Variants in STYXL2 observed in about 807,000 individuals in gnomAD.
STYXL2 encodes the protein serine/threonine/tyrosine-interacting-like protein 2.
A neutral mutation model predicts 52.4 loss-of-function variants in STYXL2; 44 were observed. The observed-to-expected ratio is 0.84, with a 90% CI of 0.66 to 1.08. The LOEUF is 1.08. STYXL2 is among the 50% of genes least tolerant of loss of function. The pLI, the probability that STYXL2 is intolerant of heterozygous loss-of-function variation, is 0.00. For missense variants in STYXL2, 1,604 were observed against 1,471.7 expected (o/e 1.09, Z -1.47); for synonymous variants, 604 against 586.9 (o/e 1.03, Z -0.42).
At position 167,128,170 on chromosome 1, in the gene STYXL2, G is replaced by T. The variant is rs1257177207; in HGVS notation, c.3039G>T (p.Arg1013Ser). Residue 1013 changes from arginine to serine, a missense_variant, in exon 6 of 6, where the codon AGG becomes AGT. By Grantham distance (110) the Arg-to-Ser change is moderately radical. Coordinates refer to ENST00000361200, the MANE Select transcript of STYXL2 (RefSeq NM_001080426.3). Reference protein sequence around the residue: ...STSRFSSSSTREGREMHKFSR... With the variant: ...STSRFSSSSTSEGREMHKFSR... ...CACGGTTCTCATCTTCCTCCACCAGGGAGGGCAGAGAGATGCACAAGTTCT... is the reference window on the plus strand; with the variant it reads ...CACGGTTCTCATCTTCCTCCACCAGTGAGGGCAGAGAGATGCACAAGTTCT... 1 of 1,614,216 alleles carries T rather than the reference G, an allele frequency of 6.2e-7. No homozygotes were observed. Among genetic ancestry groups the T allele is most frequent in the South Asian group, 1.1e-5 (1 of 91,082 alleles).
intron 5 of STYXL2, among the ~76,000 whole-genome samples, chr1:167,123,215 C>T (rs1287960930): frequency 6.6e-6 from 1 of 152,210 alleles, no homozygotes; most frequent in Non-Finnish European, 1.5e-5. Flanking sequence ...AATCCTGTTG[C>T]TGCTTTGGAT....
Position 167,127,169 on chromosome 1 carries a change from A to G in STYXL2, c.2038A>G (p.Ser680Gly). The stretch of plus-strand genomic sequence containing the variant: ...TGATGGGGACACGACGTCAGTACTG[A>G]GCACCCAGAGCCACCGCTCCCACCT... ...SADGDTTSVL[S>G]TQSHRSHLSQ... is the part of the protein sequence containing the mutation. The change falls in exon 6 of 6, where the codon AGC becomes GGC. Residue 680 changes from serine (S) to glycine (G), a missense_variant. Ser to Gly is a moderately conservative substitution (Grantham distance 56, BLOSUM62 0). Coordinates refer to ENST00000361200, the MANE Select transcript of STYXL2 (RefSeq NM_001080426.3). 6.2e-7 allele frequency: 1 copy of G among 1,614,052 alleles called. No homozygotes were observed. Among genetic ancestry groups the G allele is most frequent in the Non-Finnish European group, 8.5e-7 (1 of 1,179,968 alleles).
intron 5 of STYXL2, among the ~76,000 whole-genome samples, chr1:167,120,115 C>G (rs760181453): frequency 6.6e-6 from 1 of 152,202 alleles, no homozygotes; most frequent in Non-Finnish European, 1.5e-5. Flanking sequence ...GGAAAACTCC[C>G]TCCCTCCACC....
In STYXL2 at chr1:167,126,999, G is replaced by A; in HGVS notation, c.1868G>A (p.Arg623Lys). ...KGEDSALAKK[R>K]QRRLELLERS... ...GAGGACTCGGCCTTGGCTAAGAAGA[G>A]ACAACGGAGGCTGGAGCTGCTGGAG... Residue 623 changes from arginine to lysine, a missense_variant, in exon 6 of 6, where the codon AGA (arginine) becomes AAA (lysine). Physicochemically the swap from Arg to Lys is conservative, Grantham distance 26. Transcript: ENST00000361200. The A allele has an allele frequency of 6.2e-7, 1 of 1,607,678 alleles. No individual in the cohort carries two copies. The highest frequency in any genetic ancestry group is 8.5e-7 in the Non-Finnish European group (1 of 1,176,378).
At chr1:167,106,847 A>G (rs1667514315) in intron 2 of STYXL2, among the ~76,000 whole-genome samples, 1 of 152,206 alleles carries the variant, frequency 6.6e-6, no homozygotes, top group Non-Finnish European at 1.5e-5. Context: ...GTGTATCACT[A>G]CTGAGGAGAA....
In STYXL2 at chr1:167,125,825, T is replaced by C; in HGVS notation, c.694T>C (p.Ser232Pro). The part of the protein sequence containing the change: ...LVSSEMGISR[S>P]AVLVVAYLMI... ...CAGCAGCGAAATGGGCATCAGCCGG[T>C]CAGCAGTGCTGGTGGTCGCCTACCT... is the stretch of plus-strand genomic sequence containing the variant. Residue 232 changes from serine to proline, a missense_variant, in exon 6 of 6, where the codon TCA (serine) becomes CCA (proline). Ser to Pro is a moderately conservative substitution (Grantham distance 74, BLOSUM62 -1). Transcript: ENST00000361200. The C allele has an allele frequency of 6.2e-7, 1 of 1,610,998 alleles. No individual in the cohort carries two copies. The highest frequency in any genetic ancestry group is 8.5e-7 in the Non-Finnish European group (1 of 1,178,820).
chr1:167,121,586 G>A (rs1308143839), intron 5 of STYXL2, among the ~76,000 whole-genome samples: 14 of 152,264 alleles, frequency 9.2e-5, no homozygotes, highest in Admixed American at 8.5e-4. Context: ...GAGGGTGGAG[G>A]GAGGAAGAAC....
intron 2 of STYXL2, among the ~76,000 whole-genome samples, chr1:167,107,607 A>G (rs1667531189): frequency 6.6e-6 from 1 of 152,252 alleles, no homozygotes; most frequent in Non-Finnish European, 1.5e-5. Flanking sequence ...TGTAACTGCC[A>G]CATTCCCTTA....
chr1:167,128,665 G>A lies in STYXL2; in HGVS notation c.*57G>A, dbSNP rs866835320. The A allele has an allele frequency of 6.5e-7, 1 of 1,529,734 alleles. No individual in the cohort carries two copies. The highest frequency in any genetic ancestry group is 8.7e-7 in the Non-Finnish European group (1 of 1,148,278). 94.8% of individuals were successfully genotyped at this position (1,529,734 alleles called of 1,614,324 possible). A position where few individuals can be genotyped will look rare whatever the true frequency, so the allele number is the denominator to read the frequency against. ...CCACTCACGTTAGCATAGGGCTCAG[G>A]GCACACGTTGCCACCACTCATCGCA... is the stretch of plus-strand genomic sequence containing the variant. On this transcript the variant is annotated 3_prime_UTR_variant, in exon 6 of 6. Transcript: ENST00000361200.
At chr1:167,122,662 A>T (rs10918634) in intron 5 of STYXL2, among the ~76,000 whole-genome samples, 49,302 of 150,588 alleles carry the variant, frequency 0.33, 9,258 homozygotes, top group East Asian at 0.72. Flanking sequence ...TAAAAAAAAA[A>T]TTTTTTTTTG....
chr1:167,126,255 C>T lies in STYXL2; in HGVS notation c.1124C>T (p.Ala375Val), dbSNP rs113517663. 2 of 1,540,440 alleles carry T rather than the reference C, an allele frequency of 1.3e-6. No homozygotes were observed. Among genetic ancestry groups the T allele is most frequent in the Admixed American group, 2.1e-5 (1 of 46,688 alleles). ...CAGGATGGAGGTGGCTGGCGCTCAG[C>T]CTCCTCTGGCCAGGGTGGGGAGGAG... ...VPQDGGGWRS[A>V]SSGQGGEELE... The change falls in exon 6 of 6, where the codon GCC becomes GTC. Residue 375 changes from alanine (A) to valine (V), a missense_variant. Coordinates refer to ENST00000361200, the MANE Select transcript of STYXL2 (RefSeq NM_001080426.3).
rs372564326 is a variant in STYXL2 at position 167,094,912 on chromosome 1, C to T, written c.63C>T (p.Asn21=). ...QVVPSEEDEA[N]VRAVQAHYLR... is the part of the protein sequence containing the mutation. ...TCCCAAGCGAGGAGGACGAAGCCAA[C>T]GTGAGGGCGGTGCAGGCCCACTACC... Residue 21 remains asparagine, a synonymous_variant, in exon 2 of 6, where the codon AAC becomes AAT. Coordinates refer to ENST00000361200, the MANE Select transcript of STYXL2 (RefSeq NM_001080426.3). The T allele has an allele frequency of 5.0e-6, 8 of 1,612,498 alleles. No individual in the cohort carries two copies. Among genetic ancestry groups the T allele is most frequent in the African/African-American group, 1.3e-5 (1 of 74,848 alleles).
At chr1:167,105,678 C>G (rs1667493736) in intron 2 of STYXL2, among the ~76,000 whole-genome samples, 1 of 152,216 alleles carries the variant, frequency 6.6e-6, no homozygotes, top group African/African-American at 2.4e-5. Flanking sequence ...GGTCTTGCCC[C>G]CACACCTTTC....
chr1:167,107,738 A>G (rs1430854588), intron 2 of STYXL2, among the ~76,000 whole-genome samples: 1 of 152,212 alleles, frequency 6.6e-6, no homozygotes, highest in Non-Finnish European at 1.5e-5. Context: ...ATACCCAGTC[A>G]TGGTCCTTGC....
chr1:167,127,773 G>A lies in STYXL2; in HGVS notation c.2642G>A (p.Gly881Asp), dbSNP rs1668007785. The change falls in exon 6 of 6, where the codon GGT (glycine) becomes GAT (aspartate). Residue 881 changes from glycine to aspartate, a missense_variant. Transcript: ENST00000361200. ...KKKVKEDEDD[G>D]VGDGDEDTDS... The stretch of plus-strand genomic sequence containing the variant: ...AAGGTCAAGGAAGATGAGGATGATG[G>A]TGTGGGTGATGGGGATGAGGACACT... The A allele has an allele frequency of 2.5e-6, 4 of 1,613,888 alleles. No individual in the cohort carries two copies. In the South Asian group the frequency reaches 4.4e-5, roughly 18 times the overall value.
rs1668029516 is a variant in STYXL2, at chr1:167,128,666, G to A, written c.*58G>A. 1 of 1,528,504 alleles carries A rather than the reference G, an allele frequency of 6.5e-7. No homozygotes were observed. Among genetic ancestry groups the A allele is most frequent in the South Asian group, 1.3e-5 (1 of 76,524 alleles). The allele number at this position is 1,528,504 out of a possible 1,614,324, so 94.7% of individuals were successfully genotyped here. A position where few individuals can be genotyped will look rare whatever the true frequency, so the allele number is the denominator to read the frequency against. On this transcript the variant is annotated 3_prime_UTR_variant, in exon 6 of 6. Transcript: ENST00000361200. ...CACTCACGTTAGCATAGGGCTCAGG[G>A]CACACGTTGCCACCACTCATCGCAG...
At position 167,126,883 on chromosome 1, in the gene STYXL2, C is replaced by T; in HGVS notation, c.1752C>T (p.Val584=). The T allele has an allele frequency of 6.2e-7, 1 of 1,612,546 alleles. No individual in the cohort carries two copies. Among genetic ancestry groups the T allele is most frequent in the South Asian group, 1.1e-5 (1 of 90,800 alleles). ...EAVGEKNPSD[V]SLTAYQAWKL... ...TAGGGGAGAAGAACCCCTCCGACGT[C>T]AGCCTGACAGCCTACCAGGCCTGGA... Residue 584 remains valine (V), a synonymous_variant, in exon 6 of 6, where the codon GTC becomes GTT. Coordinates refer to ENST00000361200, the MANE Select transcript of STYXL2 (RefSeq NM_001080426.3).
intron 2 of STYXL2, among the ~76,000 whole-genome samples, chr1:167,111,135 G>A (rs564976926): frequency 2.6e-4 from 40 of 152,078 alleles, no homozygotes; most frequent in African/African-American, 8.9e-4. Flanking sequence ...GAGAATAATC[G>A]GTGTTCCTGA....
intron 3 of STYXL2, 145 bp from the exon 4 acceptor site, chr1:167,117,183 A>T: frequency 1.4e-6 from 1 of 711,036 alleles, no homozygotes; most frequent in Non-Finnish European, 2.3e-6. Flanking sequence ...GGGCCCAATT[A>T]AAGTCCTTCC....
Sources: allele counts gnomAD v4.1 joint callset (sites outside exome capture counted in the v4.1 genomes callset), GRCh38; gene constraint gnomAD v4.1.1; transcripts MANE v1.5; gene names NCBI Gene and HGNC (gene_info 2026-07-23, HGNC 2026-07-21).